Variants in DLGAP1 observed in about 807,000 individuals in gnomAD.
DLGAP1 encodes the protein disks large-associated protein 1.
A neutral mutation model predicts 90.8 loss-of-function variants in DLGAP1; 11 were observed. The ratio of observed to expected loss-of-function variants is 0.12; its 90% CI spans 0.08 to 0.20. The LOEUF (loss-of-function observed/expected upper bound fraction) is 0.20. Among genes scored for constraint, DLGAP1 ranks in the 10% least tolerant of loss-of-function variants. The probability of loss-of-function intolerance (pLI) is 1.00; values close to 1 mark genes in which losing one functional copy is unlikely to be tolerated. For synonymous variants in DLGAP1, 558 were observed against 540.7 expected, an observed-to-expected ratio of 1.03 and a Z score of -0.44; for missense variants, 1,050 against 1,333.8, an observed-to-expected ratio of 0.79 and a Z score of 3.31.
intron 1 of DLGAP1, among the ~76,000 whole-genome samples, chr18:4,428,181 T>A (rs1041709066): frequency 6.6e-6 from 1 of 152,080 alleles, no homozygotes; most frequent in South Asian, 2.1e-4. Context: ...TGGGGCCTGG[T>A]GGGAGGTGAG....
chr18:3,830,330 C>G (rs1325821593), intron 4 of DLGAP1, among the ~76,000 whole-genome samples: 1 of 152,180 alleles, frequency 6.6e-6, no homozygotes, highest in Non-Finnish European at 1.5e-5. Context: ...CTTTGGGAGG[C>G]TGAGGTGGGC....
intron 3 of DLGAP1, among the ~76,000 whole-genome samples, chr18:3,915,880 A>T (rs1218768810): frequency 1.3e-5 from 2 of 152,146 alleles, no homozygotes; most frequent in Admixed American, 1.3e-4. Flanking sequence ...AGTCCTGACA[A>T]GTCTTAGACC....
intron 1 of DLGAP1, among the ~76,000 whole-genome samples, chr18:4,257,239 A>C (rs985075366): frequency 6.6e-6 from 1 of 152,178 alleles, no homozygotes; most frequent in African/African-American, 2.4e-5. Context: ...TATTGAGTGA[A>C]ATGTCCAAAT....
intron 9 of DLGAP1, among the ~76,000 whole-genome samples, chr18:3,561,266 C>CAAAAAAAAAAAAAAAAAAAAAAA (rs71159092): frequency 9.1e-6 from 1 of 110,478 alleles, no homozygotes; most frequent in Non-Finnish European, 1.9e-5. Flanking sequence ...AAAAAAAAAA[C>CAAAAAAAAAAAAAAAAAAAAAAA]AAAAAAAAAA....
At chr18:4,053,634 G>T (rs2075169423) in intron 2 of DLGAP1, among the ~76,000 whole-genome samples, 1 of 152,132 alleles carries the variant, frequency 6.6e-6, no homozygotes, top group African/African-American at 2.4e-5. Context: ...AGAGGTGCCT[G>T]CTTCCCCTTC....
chr18:4,060,985 A>G (rs1018355687), intron 2 of DLGAP1, among the ~76,000 whole-genome samples: 6 of 152,184 alleles, frequency 3.9e-5, no homozygotes, highest in Admixed American at 2.0e-4. Flanking sequence ...TTAACTGTAC[A>G]ACTTGCCTTC....
chr18:3,804,961 G>A (rs1019861067), intron 5 of DLGAP1, among the ~76,000 whole-genome samples: 28 of 152,194 alleles, frequency 1.8e-4, no homozygotes, highest in African/African-American at 6.8e-4. Flanking sequence ...GACAGCCAGA[G>A]GTTAAATTTG....
At chr18:3,774,213 A>G (rs2064832594) in intron 5 of DLGAP1, 1 of 152,244 alleles carries the variant, frequency 6.6e-6, no homozygotes, top group South Asian at 2.1e-4. Flanking sequence ...AGGACTTAGC[A>G]AAAGCCTGGT....
chr18:3,637,471 C>T (rs1180269001), intron 7 of DLGAP1, among the ~76,000 whole-genome samples: 1 of 150,598 alleles, frequency 6.6e-6, no homozygotes, highest in African/African-American at 2.5e-5. Flanking sequence ...CAGTGCCTCA[C>T]AACTGTAATC....
chr18:3,551,182 TACATATAA>T, intron 9 of DLGAP1, among the ~76,000 whole-genome samples: 1 of 3,362 alleles, frequency 3.0e-4, no homozygotes, highest in Admixed American at 6.3e-3. Flanking sequence ...TATATACACA[TACATATAA>T]ATGCTTTTTT....
intron 1 of DLGAP1, among the ~76,000 whole-genome samples, chr18:4,152,086 T>C (rs1475898626): frequency 1.3e-5 from 2 of 152,218 alleles, no homozygotes; most frequent in East Asian, 3.8e-4. Flanking sequence ...ACATGCTATA[T>C]GGCTGAGCTA....
At chr18:3,628,907 GT>G (rs1228428486) in intron 7 of DLGAP1, among the ~76,000 whole-genome samples, 5 of 152,058 alleles carry the variant, frequency 3.3e-5, no homozygotes, top group African/African-American at 9.7e-5. Flanking sequence ...GATATTTAGG[GT>G]TTTTTTGGTA....
chr18:3,886,102 G>A (rs1474905805), intron 3 of DLGAP1, among the ~76,000 whole-genome samples: 1 of 152,076 alleles, frequency 6.6e-6, no homozygotes, highest in Non-Finnish European at 1.5e-5. Context: ...CATACTGAAG[G>A]CCCTCCTCTG....
At chr18:3,606,006 G>A (rs955803620) in intron 7 of DLGAP1, among the ~76,000 whole-genome samples, 2 of 152,036 alleles carry the variant, frequency 1.3e-5, no homozygotes, top group Non-Finnish European at 2.9e-5. Context: ...TAGGCAGGTC[G>A]GGACATTAAG....
At chr18:3,694,489 C>A (rs1344067934) in intron 7 of DLGAP1, among the ~76,000 whole-genome samples, 3 of 152,202 alleles carry the variant, frequency 2.0e-5, no homozygotes, top group Admixed American at 2.0e-4. Flanking sequence ...AACTAATTTA[C>A]AATCCCACCA....
Position 4,084,529 on chromosome 18 carries a change from T to G in DLGAP1, c.-159+66651A>C, listed in dbSNP as rs1337142589. ...TCTCCTATGACCCTCGTGTGAAAGGTGTCCACCCTATACCCACAGGACAGG... is the reference window on the plus strand; with the variant it reads ...TCTCCTATGACCCTCGTGTGAAAGGGGTCCACCCTATACCCACAGGACAGG... On this transcript the variant is annotated intron_variant, in intron 2 of 12. Transcript: ENST00000315677. The surrounding 1 kb of genome is among the most constrained non-coding windows in gnomAD (Gnocchi z 4.0). Among the ~76,000 whole-genome samples, 1 of 152,044 alleles carries G rather than the reference T, an allele frequency of 6.6e-6. No homozygotes were observed. Among genetic ancestry groups the G allele is most frequent in the Non-Finnish European group, 1.5e-5 (1 of 68,018 alleles).
intron 1 of DLGAP1, among the ~76,000 whole-genome samples, chr18:4,381,766 C>T (rs538343178): frequency 2.0e-5 from 3 of 152,156 alleles, no homozygotes; most frequent in East Asian, 1.9e-4. Context: ...TCTCTTTCCA[C>T]TCTAAGGTTC....
chr18:4,079,920 T>C (rs142728536), intron 2 of DLGAP1, among the ~76,000 whole-genome samples: 19 of 152,194 alleles, frequency 1.2e-4, no homozygotes, highest in Admixed American at 2.6e-4. Context: ...CCTTATACAT[T>C]CGGGGTCTTA....
Position 3,711,153 on chromosome 18 carries a change from G to T in DLGAP1, c.1591+17982C>A, listed in dbSNP as rs551722629. 1.3e-5 allele frequency among the ~76,000 whole-genome samples: 2 copies of T among 152,370 alleles called. No homozygotes were observed. The highest frequency in any genetic ancestry group is 2.1e-4 in the South Asian group (1 of 4,830). Reference sequence around the variant, plus strand: ...AACACGATGATCTCAGCCACAGAGTGTAAGAGGGCAGCACAAAGGGAAGTA... The same window carrying T: ...AACACGATGATCTCAGCCACAGAGTTTAAGAGGGCAGCACAAAGGGAAGTA... On this transcript the variant is annotated intron_variant, in intron 7 of 12. Transcript: ENST00000315677. The surrounding 1 kb of genome is among the most constrained non-coding windows in gnomAD (Gnocchi z 4.0).
Sources: gnomAD v4.1 joint callset for allele counts (sites outside exome capture counted in the v4.1 genomes callset) on GRCh38, gnomAD v4.1.1 for gene constraint, Gnocchi (gnomAD v3.1) non-coding constraint, MANE v1.5 for transcripts, NCBI Gene and HGNC (gene_info 2026-07-23, HGNC 2026-07-21) for gene names.